EGLN1: variants seen among roughly 807,000 people sequenced by gnomAD.
EGLN1 encodes the protein egl nine homolog 1.
Under a neutral mutation model 38.3 loss-of-function variants are expected in EGLN1, and 17 were observed. The observed-to-expected ratio is 0.44, with a 90% CI of 0.30 to 0.67. The LOEUF (loss-of-function observed/expected upper bound fraction) is 0.67. Ranked by LOEUF, EGLN1 falls within the 30% of genes least tolerant of loss-of-function variation. EGLN1 has a pLI of 0.08. For synonymous variants in EGLN1, 283 were observed against 257.5 expected (o/e 1.10, Z -0.95); for missense variants, 477 against 603.3 (o/e 0.79, Z 2.19).
At chr1:231,420,631 T>C (rs1054742511) in intron 1 of EGLN1, among the ~76,000 whole-genome samples, 1 of 152,166 alleles carries the variant, frequency 6.6e-6, no homozygotes, top group Non-Finnish European at 1.5e-5. Flanking sequence ...GGACTTGCTT[T>C]GGGTGGTACT....
intron 1 of EGLN1, among the ~76,000 whole-genome samples, chr1:231,393,629 G>T (rs1276361563): frequency 1.3e-5 from 2 of 152,098 alleles, no homozygotes; most frequent in African/African-American, 4.8e-5. Context: ...GCTGATCTTT[G>T]TATCTGACCT....
intron 1 of EGLN1, among the ~76,000 whole-genome samples, chr1:231,403,702 G>A (rs546930517): frequency 1.3e-4 from 19 of 148,258 alleles, no homozygotes; most frequent in Non-Finnish European, 2.7e-4. Context: ...CTTGAACCTG[G>A]GAAGAGGTGG....
intron 1 of EGLN1, among the ~76,000 whole-genome samples, chr1:231,411,821 A>G (rs1486037603): frequency 6.6e-6 from 1 of 151,478 alleles, no homozygotes; most frequent in Non-Finnish European, 1.5e-5. Flanking sequence ...ACATAATGAA[A>G]CCCTGTCTCT....
chr1:231,375,511 A>G (rs1010811178), intron 1 of EGLN1, among the ~76,000 whole-genome samples: 2 of 152,256 alleles, frequency 1.3e-5, no homozygotes, highest in African/African-American at 4.8e-5. Context: ...TAAGAAACTA[A>G]GAGGCATCTT....
rs1656576288 is a variant in EGLN1, at chr1:231,421,117, AG to A, written c.771del (p.Trp258GlyfsTer16). ...CAGCCGGGCTCCTTGCCCTCGATCC[AG>A]GTGATCTTATCGCCTCGGATGTCCT... ...SSKDIRGDKI[T>X]WIEGKEPGCE... On this transcript the variant is annotated frameshift_variant, in exon 1 of 5. Transcript: ENST00000366641. LOFTEE classifies it high-confidence loss of function. The surrounding 1 kb of genome is among the most constrained non-coding windows in gnomAD (Gnocchi z 5.5). 6.2e-7 allele frequency: 1 copy of A among 1,614,012 alleles called. No individual in the cohort carries two copies. Among genetic ancestry groups the A allele is most frequent in the Admixed American group, 1.7e-5 (1 of 60,014 alleles).
At chr1:231,370,815 C>G in intron 2 of EGLN1, 117 bp from the exon 3 acceptor site, 1 of 1,147,924 alleles carries the variant, frequency 8.7e-7, no homozygotes, top group Non-Finnish European at 1.3e-6. Context: ...AAATACGTCT[C>G]AATAAAGTAT....
rs556700060 is a variant in EGLN1, at chr1:231,388,820, A to G, written c.892-14721T>C. On this transcript the variant is annotated intron_variant, in intron 1 of 4. Coordinates refer to ENST00000366641, the MANE Select transcript of EGLN1 (RefSeq NM_022051.3). The stretch of plus-strand genomic sequence containing the variant: ...CAGGCGCCCACCACCACGCCCAGCT[A>G]ATTTTTATATTTTTAATAGAGACAG... Among the ~76,000 whole-genome samples the G allele has an allele frequency of 2.2e-4, 34 of 152,112 alleles. No individual in the cohort carries two copies. In the South Asian group the frequency reaches 7.1e-3, roughly 32 times the overall value.
At chr1:231,371,917 A>C (rs1316820763) in intron 2 of EGLN1, among the ~76,000 whole-genome samples, 1 of 152,228 alleles carries the variant, frequency 6.6e-6, no homozygotes, top group Non-Finnish European at 1.5e-5. Flanking sequence ...CTGTCAGGTA[A>C]GTTAAATTCT....
At chr1:231,413,530 ACT>A (rs1689004537) in intron 1 of EGLN1, among the ~76,000 whole-genome samples, 2 of 152,054 alleles carry the variant, frequency 1.3e-5, no homozygotes, top group East Asian at 1.9e-4. Flanking sequence ...CTCCCTAGTC[ACT>A]CTGTCCTTAT....
chr1:231,389,172 A>G (rs1688306765), intron 1 of EGLN1, among the ~76,000 whole-genome samples: 1 of 152,236 alleles, frequency 6.6e-6, no homozygotes, highest in Non-Finnish European at 1.5e-5. Context: ...AAATGGCAAA[A>G]ATCAACCATA....
chr1:231,398,606 C>G (rs2102923204), intron 1 of EGLN1, among the ~76,000 whole-genome samples: 1 of 152,324 alleles, frequency 6.6e-6, no homozygotes, highest in East Asian at 1.9e-4. Context: ...CCCAAACTAT[C>G]TACTATTTGA....
At chr1:231,371,088 C>T (rs943981202) in intron 2 of EGLN1, among the ~76,000 whole-genome samples, 12 of 152,178 alleles carry the variant, frequency 7.9e-5, no homozygotes, top group African/African-American at 2.2e-4. Context: ...TGGGTTTTCA[C>T]CATGTTGGCC....
At chr1:231,415,465 G>A (rs1689055953) in intron 1 of EGLN1, among the ~76,000 whole-genome samples, 1 of 151,916 alleles carries the variant, frequency 6.6e-6, no homozygotes, top group Admixed American at 6.6e-5. Flanking sequence ...AAAAAAATGT[G>A]TAAATGCAGG....
At chr1:231,387,281 T>A (rs915405908) in intron 1 of EGLN1, among the ~76,000 whole-genome samples, 1 of 149,544 alleles carries the variant, frequency 6.7e-6, no homozygotes, top group Non-Finnish European at 1.5e-5. Context: ...AAAGACAGAA[T>A]ACTAAATTAT....
chr1:231,401,173 G>C (rs944230866), intron 1 of EGLN1, among the ~76,000 whole-genome samples: 3 of 152,124 alleles, frequency 2.0e-5, no homozygotes, highest in Non-Finnish European at 4.4e-5. Flanking sequence ...ACATGTCTTA[G>C]CTAGGAAGTT....
intron 1 of EGLN1, among the ~76,000 whole-genome samples, chr1:231,392,362 A>T (rs560856418): frequency 1.3e-5 from 2 of 152,320 alleles, no homozygotes; most frequent in African/African-American, 2.4e-5. Context: ...ACTTAATTTT[A>T]AAAATTTTCC....
At chr1:231,397,803 C>T (rs1339932312) in intron 1 of EGLN1, among the ~76,000 whole-genome samples, 1 of 152,146 alleles carries the variant, frequency 6.6e-6, no homozygotes, top group Non-Finnish European at 1.5e-5. Context: ...ACAGAATGCA[C>T]CTAAACCCTA....
chr1:231,377,615 G>A (rs774163237), intron 1 of EGLN1, among the ~76,000 whole-genome samples: 3 of 152,158 alleles, frequency 2.0e-5, no homozygotes, highest in Non-Finnish European at 4.4e-5. Context: ...GGAGTTTATC[G>A]ATAACTGTCA....
chr1:231,377,774 G>C (rs985775673), intron 1 of EGLN1, among the ~76,000 whole-genome samples: 1 of 152,112 alleles, frequency 6.6e-6, no homozygotes, highest in African/African-American at 2.4e-5. Flanking sequence ...GACTAATTGG[G>C]AATGAAGTGA....
Sources: gnomAD v4.1 joint callset for allele counts (sites outside exome capture counted in the v4.1 genomes callset) on GRCh38, gnomAD v4.1.1 for gene constraint, Gnocchi (gnomAD v3.1) non-coding constraint, MANE v1.5 for transcripts, NCBI Gene and HGNC (gene_info 2026-07-23, HGNC 2026-07-21) for gene names.